CIMIP2A: variants seen among roughly 807,000 people sequenced by gnomAD.
CIMIP2A encodes family with sequence similarity 166 member A.
At chr9:137,253,599 A>G in the CIMIP2A span, 724,604 of 992,782 alleles carry the variant, frequency 0.73, 266,346 homozygotes, top group Admixed American at 0.78. Context: ...TGCCCCTGAA[A>G]GGTGCTCTCT....
the CIMIP2A span, chr9:137,245,770 C>T: frequency 1.3e-6 from 2 of 1,557,990 alleles, no homozygotes; most frequent in Non-Finnish European, 1.7e-6. Context: ...CTTCTGCACA[C>T]TGGGGTCTGT....
chr9:137,244,744 T>TA, the CIMIP2A span: 1 of 1,611,292 alleles, frequency 6.2e-7, no homozygotes, highest in Non-Finnish European at 8.5e-7. Flanking sequence ...AGCCTGGGGG[T>TA]AGGCAGATGT....
the CIMIP2A span, chr9:137,252,981 G>T: frequency 6.3e-7 from 1 of 1,586,598 alleles, no homozygotes; most frequent in East Asian, 2.3e-5. Context: ...GAGGCCTGGA[G>T]AGAAGAGGGC....
chr9:137,248,444 G>T, the CIMIP2A span, among the ~76,000 whole-genome samples: 1 of 151,744 alleles, frequency 6.6e-6, no homozygotes, highest in African/African-American at 2.4e-5. Flanking sequence ...TCGGGAGGCT[G>T]AGGCAGGAGA....
the CIMIP2A span, chr9:137,245,774 G>A: frequency 1.3e-6 from 2 of 1,553,270 alleles, no homozygotes; most frequent in Admixed American, 3.9e-5. Flanking sequence ...TGCACACTGG[G>A]GTCTGTGAGC....
At chr9:137,245,190 G>C in the CIMIP2A span, 2 of 888,936 alleles carry the variant, frequency 2.2e-6, no homozygotes. Context: ...GGCGGGGGGT[G>C]GGTACTCATC....
chr9:137,245,641 G>A, the CIMIP2A span: 6 of 1,608,362 alleles, frequency 3.7e-6, no homozygotes, highest in East Asian at 1.3e-4. Flanking sequence ...CAGCTCACTG[G>A]TGTAGTGGGG....
At chr9:137,251,783 C>T in the CIMIP2A span, 3 of 1,592,090 alleles carry the variant, frequency 1.9e-6, no homozygotes, top group Non-Finnish European at 2.6e-6. Context: ...CGGGGATGGC[C>T]TGGGATGAGA....
At chr9:137,250,484 G>A in the CIMIP2A span, 1 of 152,342 alleles carries the variant, frequency 6.6e-6, no homozygotes, top group Non-Finnish European at 1.5e-5. Context: ...GGCATCCAGA[G>A]AGGGCGGAGG....
chr9:137,246,324 G>A, the CIMIP2A span, among the ~76,000 whole-genome samples: 10 of 152,324 alleles, frequency 6.6e-5, no homozygotes, highest in East Asian at 1.9e-4. Flanking sequence ...CCTCCTGCAC[G>A]GGAAGAGAAC....
the CIMIP2A span, among the ~76,000 whole-genome samples, chr9:137,249,089 C>T: frequency 6.6e-6 from 1 of 151,948 alleles, no homozygotes; most frequent in Non-Finnish European, 1.5e-5. Context: ...AACTCCTGAC[C>T]TCGTGATCCG....
chr9:137,244,104 G>A, the CIMIP2A span: 5 of 1,457,364 alleles, frequency 3.4e-6, no homozygotes, highest in Non-Finnish European at 4.8e-6. Context: ...TGAAGGGTGA[G>A]CAGGTAGAGC....
chr9:137,245,801 G>A, the CIMIP2A span: 23 of 1,519,478 alleles, frequency 1.5e-5, no homozygotes, highest in Admixed American at 8.7e-5. Context: ...CCCGTGGTAC[G>A]CCCATAGGTG....
the CIMIP2A span, chr9:137,244,059 T>C: frequency 3.4e-6 from 4 of 1,165,398 alleles, no homozygotes; most frequent in African/African-American, 1.5e-5. Context: ...GGTGGGACCC[T>C]GGTAATGGTC....
At chr9:137,252,896 C>T in the CIMIP2A span, 3 of 1,597,244 alleles carry the variant, frequency 1.9e-6, no homozygotes, top group Non-Finnish European at 2.6e-6. Context: ...TGGGAGCCGC[C>T]TGCAGAGCCC....
At chr9:137,252,554 G>T in the CIMIP2A span, 4 of 1,217,770 alleles carry the variant, frequency 3.3e-6, no homozygotes, top group East Asian at 5.3e-5. Context: ...AGGGGGCGGG[G>T]AGTCCACGCA....
the CIMIP2A span, chr9:137,251,492 G>C: frequency 9.3e-7 from 1 of 1,070,778 alleles, no homozygotes; most frequent in Non-Finnish European, 1.4e-6. Context: ...CAGGCGGCTG[G>C]GGGACTGAGG....
the CIMIP2A span, chr9:137,245,977 G>A: frequency 2.8e-6 from 2 of 704,268 alleles, no homozygotes; most frequent in Non-Finnish European, 4.3e-6. Context: ...GCCTGTGGCA[G>A]CTCGCCTGCC....
the CIMIP2A span, chr9:137,253,001 G>C: frequency 5.8e-6 from 9 of 1,557,226 alleles, no homozygotes; most frequent in Admixed American, 1.7e-4. Context: ...CTAGGGATGG[G>C]GCATGGGTGG....
Sources: gnomAD v4.1 joint callset for allele counts (sites outside exome capture counted in the v4.1 genomes callset) on GRCh38, gnomAD v4.1.1 for gene constraint, MANE v1.5 for transcripts, NCBI Gene and HGNC (gene_info 2026-07-23, HGNC 2026-07-21) for gene names.